SGCZ: variants seen among roughly 807,000 people sequenced by gnomAD.
SGCZ encodes the protein sarcoglycan zeta.
A neutral mutation model predicts 41.3 loss-of-function variants in SGCZ; 40 were observed. The ratio of observed to expected loss-of-function variants is 0.97; its 90% confidence interval spans 0.75 to 1.26. The LOEUF is 1.26. Ranked by LOEUF, SGCZ falls within the 50% of genes most tolerant of loss-of-function variation. The pLI is 0.00. For missense variants in SGCZ, 552 were observed against 369.8 expected (o/e 1.49, Z -4.04); for synonymous variants, 206 against 137.5 (o/e 1.50, Z -3.49).
intron 2 of SGCZ, among the ~76,000 whole-genome samples, chr8:14,510,979 GA>G (rs1802450288): frequency 1.3e-5 from 2 of 152,118 alleles, no homozygotes; most frequent in Middle Eastern, 3.4e-3. Flanking sequence ...ACTCTAAGTT[GA>G]AAACCTAACT....
chr8:14,257,795 C>G (rs550116678), intron 3 of SGCZ, among the ~76,000 whole-genome samples: 1 of 152,132 alleles, frequency 6.6e-6, no homozygotes, highest in South Asian at 2.1e-4. Context: ...TTGTTTTCCT[C>G]CATAATCTCC....
At chr8:14,598,321 G>A (rs767923527) in intron 1 of SGCZ, among the ~76,000 whole-genome samples, 8 of 151,602 alleles carry the variant, frequency 5.3e-5, no homozygotes, top group Admixed American at 2.6e-4. Context: ...TGCATATGTC[G>A]TTGTATACAT....
chr8:14,108,150 A>G lies in SGCZ; in HGVS notation c.620+13T>C. On this transcript the variant is annotated intron_variant, in intron 6 of 7. Transcript: ENST00000382080. ...ATGGATTTTATGCCACAGGTATAAGAGGAAGCCCTTACCTGAGATCTTGGG... is the reference window on the plus strand; with the variant it reads ...ATGGATTTTATGCCACAGGTATAAGGGGAAGCCCTTACCTGAGATCTTGGG... 6.2e-7 allele frequency: 1 copy of G among 1,613,510 alleles called. No individual in the cohort carries two copies. Among genetic ancestry groups the G allele is most frequent in the Non-Finnish European group, 8.5e-7 (1 of 1,179,472 alleles).
chr8:15,022,596 C>A (rs1423914641), intron 1 of SGCZ, among the ~76,000 whole-genome samples: 3 of 152,150 alleles, frequency 2.0e-5, no homozygotes, highest in African/African-American at 2.4e-5. Flanking sequence ...CCCGCCTCGG[C>A]CTCACAAAGT....
At chr8:14,415,395 G>C (rs1339690062) in intron 2 of SGCZ, among the ~76,000 whole-genome samples, 1 of 151,822 alleles carries the variant, frequency 6.6e-6, no homozygotes, top group South Asian at 2.1e-4. Context: ...ATAAGCTTGA[G>C]CCAATGAGTT....
intron 2 of SGCZ, among the ~76,000 whole-genome samples, chr8:14,376,043 G>C (rs529266686): frequency 1.3e-5 from 2 of 152,202 alleles, no homozygotes; most frequent in African/African-American, 2.4e-5. Context: ...GCCAGGCGAG[G>C]TGGCTCATGC....
rs146869883 is a variant in SGCZ at position 14,523,627 on chromosome 8, G to C, written c.234+31105C>G. Among the ~76,000 whole-genome samples, 11 of 151,970 alleles carry C rather than the reference G, an allele frequency of 7.2e-5. No homozygotes were observed. The East Asian group carries it at 2.1e-3, about 29-fold the overall frequency. ...TTTGGTTTTTACTTTCTAGAAGCTT[G>C]CCTGTTTGTGTCTAGCTTTAGATTT... is the stretch of plus-strand genomic sequence containing the variant. On this transcript the variant is annotated intron_variant, in intron 2 of 7. Coordinates refer to ENST00000382080, the MANE Select transcript of SGCZ (RefSeq NM_139167.4).
intron 1 of SGCZ, among the ~76,000 whole-genome samples, chr8:14,854,567 G>T (rs540819910): frequency 6.6e-6 from 1 of 151,870 alleles, no homozygotes; most frequent in Non-Finnish European, 1.5e-5. Flanking sequence ...GAAGCCAGTG[G>T]TTTTCATTAT....
At chr8:15,167,693 G>T (rs1018099206) in intron 1 of SGCZ, among the ~76,000 whole-genome samples, 1 of 146,400 alleles carries the variant, frequency 6.8e-6, no homozygotes, top group African/African-American at 2.5e-5. Flanking sequence ...AAAAAAATAC[G>T]GTCTAGAGAG....
intron 1 of SGCZ, among the ~76,000 whole-genome samples, chr8:15,206,195 AT>A (rs1801057106): frequency 6.6e-6 from 1 of 152,212 alleles, no homozygotes; most frequent in African/African-American, 2.4e-5. Context: ...AGTTTAAAAC[AT>A]ACCATCCTAG....
intron 4 of SGCZ, among the ~76,000 whole-genome samples, chr8:14,234,198 CAT>C (rs1276437661): frequency 6.6e-6 from 1 of 151,994 alleles, no homozygotes; most frequent in Non-Finnish European, 1.5e-5. Context: ...GAGCCAGAAA[CAT>C]ATAAAATATT....
At chr8:14,533,040 A>G (rs569718804) in intron 2 of SGCZ, among the ~76,000 whole-genome samples, 1 of 152,184 alleles carries the variant, frequency 6.6e-6, no homozygotes, top group Admixed American at 6.6e-5. Context: ...ACATGTGCAC[A>G]AGGTGCAGGT....
rs184575384 is a variant in SGCZ, at chr8:14,243,652, T to C, written c.337-5973A>G. 2.0e-5 allele frequency among the ~76,000 whole-genome samples: 3 copies of C among 152,312 alleles called. No homozygotes were observed. In the East Asian group the frequency reaches 5.8e-4, roughly 29 times the overall value. On this transcript the variant is annotated intron_variant, in intron 3 of 7. Coordinates refer to ENST00000382080, the MANE Select transcript of SGCZ (RefSeq NM_139167.4). ...AGCCAAATTTCCCATGTTTGTCAAC[T>C]ACATACCACTTATATTTATTTTCAC... is the stretch of plus-strand genomic sequence containing the variant.
At chr8:14,914,363 T>C (rs1019593958) in intron 1 of SGCZ, among the ~76,000 whole-genome samples, 3 of 152,158 alleles carry the variant, frequency 2.0e-5, no homozygotes, top group Admixed American at 2.0e-4. Flanking sequence ...TAATTCTTTC[T>C]CACAATGACA....
At chr8:15,028,518 T>G (rs540919977) in intron 1 of SGCZ, among the ~76,000 whole-genome samples, 1 of 151,938 alleles carries the variant, frequency 6.6e-6, no homozygotes, top group Non-Finnish European at 1.5e-5. Flanking sequence ...TCTTTCTAAG[T>G]TGAAGTCAGT....
chr8:14,344,341 CA>C (rs564333631), intron 2 of SGCZ, among the ~76,000 whole-genome samples: 4 of 147,616 alleles, frequency 2.7e-5, no homozygotes, highest in African/African-American at 5.0e-5. Context: ...AGGAAAAATA[CA>C]AAAAAAAAGC....
intron 1 of SGCZ, among the ~76,000 whole-genome samples, chr8:15,129,348 A>G (rs1453058411): frequency 6.6e-6 from 1 of 152,182 alleles, no homozygotes; most frequent in Non-Finnish European, 1.5e-5. Context: ...CTTAGAGTCT[A>G]TGCACCACAA....
At chr8:14,689,782 A>T (rs207468967) in intron 1 of SGCZ, among the ~76,000 whole-genome samples, 1 of 152,146 alleles carries the variant, frequency 6.6e-6, no homozygotes, top group African/African-American at 2.4e-5. Flanking sequence ...TATTAATACA[A>T]CAGACGCATA....
intron 1 of SGCZ, among the ~76,000 whole-genome samples, chr8:14,608,457 G>T (rs1225433923): frequency 6.6e-6 from 1 of 151,572 alleles, no homozygotes; most frequent in East Asian, 1.9e-4. Context: ...GAGGCGGGGG[G>T]CAGATGTGTC....
Sources: allele counts gnomAD v4.1 joint callset (sites outside exome capture counted in the v4.1 genomes callset), GRCh38; gene constraint gnomAD v4.1.1; transcripts MANE v1.5; gene names NCBI Gene and HGNC (gene_info 2026-07-23, HGNC 2026-07-21).